Variants in NIFK observed in about 807,000 individuals in gnomAD.
NIFK encodes the protein nucleolar protein interacting with the FHA domain of MKI67.
In NIFK, 16 loss-of-function variants were observed where a neutral mutation model predicts 31.7. The observed-to-expected ratio is 0.50, with a 90% CI of 0.34 to 0.77. The LOEUF (loss-of-function observed/expected upper bound fraction) is 0.77, where lower values mean the gene tolerates loss of function less well. Ranked by LOEUF, NIFK falls within the 30% of genes least tolerant of loss-of-function variation. The pLI is 0.01. For missense variants in NIFK, 341 were observed against 350.4 expected (o/e 0.97, Z 0.21); for synonymous variants, 126 against 123.0 (o/e 1.02, Z -0.16).
chr2:121,730,607 G>A (rs1183818900), intron 4 of NIFK: 4 of 348,496 alleles, frequency 1.1e-5, no homozygotes, highest in East Asian at 6.6e-5. Context: ...ACTTTGGGAC[G>A]CTGAGGTGGG....
rs1489364615 is a variant in NIFK, at chr2:121,730,964, A to G, written c.493T>C (p.Phe165Leu). ...CTGAGTAATCTTTCTTTCTTTTTAA[A>G]TCGCTCCTCCATCCGTAGCTTTTGT... The part of the protein sequence containing the change: ...LTQKLRMEER[F>L]KKKERLLRKK... Residue 165 changes from phenylalanine (F) to leucine (L), a missense_variant, in exon 4 of 7, where the codon TTT becomes CTT. Physicochemically the swap from Phe to Leu is conservative, Grantham distance 22. Transcript: ENST00000285814. 6.2e-7 allele frequency: 1 copy of G among 1,613,318 alleles called. No homozygotes were observed. Among genetic ancestry groups the G allele is most frequent in the Non-Finnish European group, 8.5e-7 (1 of 1,179,694 alleles).
chr2:121,728,443 T>C, intron 5 of NIFK, 34 bp downstream of exon 5: 11 of 1,512,456 alleles, frequency 7.3e-6, no homozygotes, highest in Non-Finnish European at 1.0e-5. Context: ...CCTTCTCTAA[T>C]ATCTTGCATG....
chr2:121,732,013 G>A lies in NIFK; in HGVS notation c.352+83C>T, dbSNP rs1454118831. On this transcript the variant is annotated intron_variant, in intron 3 of 6. Coordinates refer to ENST00000285814, the MANE Select transcript of NIFK (RefSeq NM_032390.5). ...AGAGATGAAGTGGCATGTCCAAGCA[G>A]CTAGGCAAGCCGCCCTTCCCACCAC... 70 of 766,108 alleles carry A rather than the reference G, an allele frequency of 9.1e-5. 1 individual carries two copies. In the East Asian group the frequency reaches 1.7e-3, roughly 19 times the overall value. The allele number at this position is 766,108 out of a possible 1,614,324, so 47.5% of individuals were successfully genotyped here. A position where few individuals can be genotyped will look rare whatever the true frequency, so the allele number is the denominator to read the frequency against.
In NIFK at chr2:121,727,792, C is replaced by T; in HGVS notation, c.814G>A (p.Glu272Lys). Residue 272 changes from glutamate to lysine, a missense_variant, in exon 7 of 7, where the codon GAA (glutamate) becomes AAA (lysine). By Grantham distance (56) the Glu-to-Lys change is moderately conservative. Coordinates refer to ENST00000285814, the MANE Select transcript of NIFK (RefSeq NM_032390.5). ...VFKQPISCVK[E>K]EIQETQTPTH... is the part of the protein sequence containing the mutation. ...GGTGTTTGAGTCTCTTGTATTTCTTCTTTTACACAGGATATGGGCTGTTTG... is the reference window on the plus strand; with the variant it reads ...GGTGTTTGAGTCTCTTGTATTTCTTTTTTTACACAGGATATGGGCTGTTTG... 1.2e-6 allele frequency: 2 copies of T among 1,609,790 alleles called. No homozygotes were observed. The highest frequency in any genetic ancestry group is 1.7e-6 in the Non-Finnish European group (2 of 1,179,164).
chr2:121,727,435 T>G lies in NIFK; in HGVS notation c.*289A>C. The G allele has an allele frequency of 1.8e-6, 1 of 565,486 alleles. No individual in the cohort carries two copies. The highest frequency in any genetic ancestry group is 3.4e-6 in the Non-Finnish European group (1 of 290,034). 35.0% of individuals were successfully genotyped at this position (565,486 alleles called of 1,614,324 possible). ...TAAACCTGCAGTTAGTGGTCAACTT[T>G]CTATCCAGGCAGAGTAAACTAAGGA... On this transcript the variant is annotated 3_prime_UTR_variant, in exon 7 of 7. Coordinates refer to ENST00000285814, the MANE Select transcript of NIFK (RefSeq NM_032390.5).
In NIFK at chr2:121,727,600, CCAAA is replaced by C. The variant is rs2074500321; in HGVS notation, c.*120_*123del. The C allele has an allele frequency of 1.2e-6, 1 of 848,864 alleles. No homozygotes were observed. The allele number at this position is 848,864 out of a possible 1,614,324, so 52.6% of individuals were successfully genotyped here. ...TTACACACTGCTTTCCTTAACTTGACCAAACAGTGTATTTTTCCTCTGAAAATCT... is the reference window on the plus strand; with the variant it reads ...TTACACACTGCTTTCCTTAACTTGACCAGTGTATTTTTCCTCTGAAAATCT... On this transcript the variant is annotated 3_prime_UTR_variant, in exon 7 of 7. Transcript: ENST00000285814.
chr2:121,736,599 C>T (rs897957453), intron 1 of NIFK, 147 bp downstream of exon 1: 12 of 666,674 alleles, frequency 1.8e-5, no homozygotes, highest in African/African-American at 1.1e-4. Context: ...GTCCCTGATT[C>T]GGTCGAATCC....
In NIFK at chr2:121,727,630, T is replaced by C. The variant is rs1170279584; in HGVS notation, c.*94A>G. The C allele has an allele frequency of 1.0e-6, 1 of 988,464 alleles. No individual in the cohort carries two copies. The highest frequency in any genetic ancestry group is 2.6e-5 in the East Asian group (1 of 38,344). 61.2% of individuals were successfully genotyped at this position (988,464 alleles called of 1,614,324 possible). A position where few individuals can be genotyped will look rare whatever the true frequency, so the allele number is the denominator to read the frequency against. On this transcript the variant is annotated 3_prime_UTR_variant, in exon 7 of 7. Transcript: ENST00000285814. ...CAGTGTATTTTTCCTCTGAAAATCT[T>C]GTCAAAGGTTGTATTCCATTGTACC...
intron 2 of NIFK, 79 bp downstream of exon 2, chr2:121,735,533 AT>A: frequency 2.8e-6 from 4 of 1,407,228 alleles, no homozygotes; most frequent in Admixed American, 1.7e-5. Context: ...GCAATAATGT[AT>A]GCGTGAACGT....
In NIFK at chr2:121,736,847, C is replaced by T; in HGVS notation, c.4G>A (p.Ala2Thr). 1 of 1,613,868 alleles carries T rather than the reference C, an allele frequency of 6.2e-7. No homozygotes were observed. The highest frequency in any genetic ancestry group is 8.5e-7 in the Non-Finnish European group (1 of 1,179,800). ...GGCCCAGCCGGGCCAGAAAAAGTCG[C>T]CATGCCAAAAGCCGCCGACGCTAAC... M[A>T]TFSGPAGPIL... Residue 2 changes from alanine (A) to threonine (T), a missense_variant, in exon 1 of 7, where the codon GCG (alanine) becomes ACG (threonine). Transcript: ENST00000285814.
chr2:121,727,944 A>C, intron 6 of NIFK, 32 bp from the exon 7 acceptor site: 1 of 1,539,796 alleles, frequency 6.5e-7, no homozygotes, highest in Non-Finnish European at 8.7e-7. Flanking sequence ...TATAATACAT[A>C]AATGTAAAAC....
Position 121,731,091 on chromosome 2 carries a change from T to G in NIFK, c.366A>C (p.Pro122=), listed in dbSNP as rs780012114. 1.9e-6 allele frequency: 3 copies of G among 1,562,322 alleles called. No individual in the cohort carries two copies. The highest frequency in any genetic ancestry group is 2.6e-6 in the Non-Finnish European group (3 of 1,154,024). ...GERLLECHFM[P]PEKVHKELFK... ...AGAGTTCTTTATGTACTTTTTCAGG[T>G]GGCATAAAATGACCTATTTTCAAAA... The change falls in exon 4 of 7, where the codon CCA becomes CCC. Residue 122 remains proline, a synonymous_variant. Transcript: ENST00000285814.
chr2:121,736,856 A>T lies in NIFK; in HGVS notation c.-6T>A, dbSNP rs758022027. The stretch of plus-strand genomic sequence containing the variant: ...GGGCCAGAAAAAGTCGCCATGCCAA[A>T]AGCCGCCGACGCTAACCACGCGGCG... On this transcript the variant is annotated 5_prime_UTR_variant, in exon 1 of 7. Coordinates refer to ENST00000285814, the MANE Select transcript of NIFK (RefSeq NM_032390.5). 5.5e-5 allele frequency: 88 copies of T among 1,612,750 alleles called. No individual in the cohort carries two copies. Among genetic ancestry groups the T allele is most frequent in the Non-Finnish European group, 5.9e-6 (7 of 1,179,010 alleles).
Position 121,727,836 on chromosome 2 carries a change from T to TTA in NIFK, c.768_769dup (p.Lys257IlefsTer6). 6.2e-7 allele frequency: 1 copy of TTA among 1,613,072 alleles called. No individual in the cohort carries two copies. The highest frequency in any genetic ancestry group is 8.5e-7 in the Non-Finnish European group (1 of 1,179,842). On this transcript the variant is annotated frameshift_variant, in exon 7 of 7. Coordinates refer to ENST00000285814, the MANE Select transcript of NIFK (RefSeq NM_032390.5). LOFTEE classifies it low-confidence loss of function (END_TRUNC). ...CTGTTTGAAAACTATTTCATCATCT[T>TTA]TATCATCATCATTCAGTTCAGCCAC...
rs368919138 is a variant in NIFK, at chr2:121,732,275, C to T, written c.244-71G>A. 63 of 893,368 alleles carry T rather than the reference C, an allele frequency of 7.1e-5. No homozygotes were observed. In the African/African-American group the frequency reaches 8.6e-4, roughly 12 times the overall value. The allele number at this position is 893,368 out of a possible 1,614,324, so 55.3% of individuals were successfully genotyped here. On this transcript the variant is annotated intron_variant, in intron 2 of 6. Transcript: ENST00000285814. The stretch of plus-strand genomic sequence containing the variant: ...ATGCGTCATCAAATTCCTAAAATGC[C>T]ATTATTTTAAATAATGTATATTAGC...
intron 4 of NIFK, among the ~76,000 whole-genome samples, chr2:121,728,972 T>TA (rs2074516139): frequency 6.6e-6 from 1 of 152,034 alleles, no homozygotes; most frequent in Non-Finnish European, 1.5e-5. Context: ...CTAATACTAT[T>TA]AAAGACAGTA....
rs1559905319 is a variant in NIFK, at chr2:121,730,907, CAT to C, written c.548_549del (p.Tyr183Ter). 1.2e-6 allele frequency: 2 copies of C among 1,606,340 alleles called. No homozygotes were observed. The highest frequency in any genetic ancestry group is 1.7e-6 in the Non-Finnish European group (2 of 1,173,092). On this transcript the variant is annotated frameshift_variant, in exon 4 of 7. Coordinates refer to ENST00000285814, the MANE Select transcript of NIFK (RefSeq NM_032390.5). LOFTEE classifies it high-confidence loss of function. Reference sequence around the variant, plus strand: ...CGAATATTTACCAAAGAAGGAAAATCATAGTCAATTCCTTTTTTAGCTAATTT... The same window carrying C: ...CGAATATTTACCAAAGAAGGAAAATCAGTCAATTCCTTTTTTAGCTAATTT... ...RKKLAKKGID[Y>X]DFPSLILQKT...
At chr2:121,728,587 T>C in intron 4 of NIFK, 51 bp from the exon 5 acceptor site, 1 of 1,006,718 alleles carries the variant, frequency 9.9e-7, no homozygotes, top group Admixed American at 2.4e-5. Context: ...TTTCTAAACT[T>C]AGCATTAGAT....
chr2:121,731,068 A>G lies in NIFK; in HGVS notation c.389T>C (p.Leu130Pro), dbSNP rs1242306414. The change falls in exon 4 of 7, where the codon CTC becomes CCC. Residue 130 changes from leucine to proline, a missense_variant. Coordinates refer to ENST00000285814, the MANE Select transcript of NIFK (RefSeq NM_032390.5). ...FMPPEKVHKE[L>P]FKDWNIPFKQ... ...AAATGGAATATTCCAGTCTTTAAAG[A>G]GTTCTTTATGTACTTTTTCAGGTGG... The G allele has an allele frequency of 1.2e-6, 2 of 1,602,964 alleles. No homozygotes were observed. The highest frequency in any genetic ancestry group is 1.7e-6 in the Non-Finnish European group (2 of 1,175,496).
Sources: gnomAD v4.1 joint callset for allele counts (sites outside exome capture counted in the v4.1 genomes callset) on GRCh38, gnomAD v4.1.1 for gene constraint, MANE v1.5 for transcripts, NCBI Gene and HGNC (gene_info 2026-07-23, HGNC 2026-07-21) for gene names.